The following TMPRSS11A variants were observed in gnomAD, a reference collection of about 807,000 sequenced individuals.
TMPRSS11A encodes the protein transmembrane protease serine 11A.
TMPRSS11A carries 53 observed loss-of-function variants against 58.9 expected under a neutral mutation model. The observed-to-expected ratio is 0.90, with a 90% CI of 0.72 to 1.13. The LOEUF (loss-of-function observed/expected upper bound fraction) is 1.13. TMPRSS11A is among the 50% of genes most tolerant of loss of function. The pLI, the probability that TMPRSS11A is intolerant of heterozygous loss-of-function variation, is 0.00. For synonymous variants in TMPRSS11A, 167 were observed against 169.8 expected (o/e 0.98, Z 0.13); for missense variants, 493 against 499.3 (o/e 0.99, Z 0.12).
intron 7 of TMPRSS11A, among the ~76,000 whole-genome samples, chr4:67,922,415 G>A (rs540936662): frequency 4.6e-5 from 7 of 152,324 alleles, no homozygotes; most frequent in African/African-American, 1.7e-4. Context: ...ACAGACACTA[G>A]TTTTAAGTGG....
intron 1 of TMPRSS11A, among the ~76,000 whole-genome samples, chr4:67,960,501 C>T (rs1490592643): frequency 6.6e-6 from 1 of 152,044 alleles, no homozygotes; most frequent in East Asian, 1.9e-4. Flanking sequence ...CATAGGATTG[C>T]TGAGATAATT....
intron 5 of TMPRSS11A, among the ~76,000 whole-genome samples, chr4:67,928,562 T>C (rs2109746535): frequency 6.6e-6 from 1 of 152,350 alleles, no homozygotes; most frequent in East Asian, 1.9e-4. Context: ...GAAAGCATCA[T>C]GTAAATTATC....
At chr4:67,928,632 G>A (rs1470263012) in intron 5 of TMPRSS11A, among the ~76,000 whole-genome samples, 1 of 152,206 alleles carries the variant, frequency 6.6e-6, no homozygotes, top group African/African-American at 2.4e-5. Flanking sequence ...AAAGAAGATG[G>A]ATTAAGCACT....
chr4:67,926,586 C>G (rs537154914), intron 5 of TMPRSS11A, among the ~76,000 whole-genome samples: 1 of 152,214 alleles, frequency 6.6e-6, no homozygotes, highest in African/African-American at 2.4e-5. Context: ...CAGGCAGGAC[C>G]TGCTCCCAGG....
chr4:67,960,036 T>C (rs898954551), intron 1 of TMPRSS11A, among the ~76,000 whole-genome samples: 26 of 152,174 alleles, frequency 1.7e-4, no homozygotes, highest in African/African-American at 6.3e-4. Context: ...CTGGAGGCCA[T>C]AATCCTAAGC....
At chr4:67,947,474 G>C (rs1262833844) in intron 1 of TMPRSS11A, among the ~76,000 whole-genome samples, 1 of 152,146 alleles carries the variant, frequency 6.6e-6, no homozygotes, top group African/African-American at 2.4e-5. Context: ...GGACTTGTCT[G>C]AATGCTTTCC....
At chr4:67,934,931 T>C (rs887321189) in intron 3 of TMPRSS11A, among the ~76,000 whole-genome samples, 1 of 152,064 alleles carries the variant, frequency 6.6e-6, no homozygotes. Context: ...GACTGGCATA[T>C]GGAATATAAA....
Position 67,910,659 on chromosome 4 carries a change from G to A in TMPRSS11A, c.*683C>T, listed in dbSNP as rs2109728337. ...TATCTATATATAATTCATTAATCGG[G>A]ATTTTTCTGATTATATCTGTAGGAT... On this transcript the variant is annotated 3_prime_UTR_variant, in exon 10 of 10. Coordinates refer to ENST00000508048, the MANE Select transcript of TMPRSS11A (RefSeq NM_001114387.2). 1 of 151,880 alleles carries A rather than the reference G, an allele frequency of 6.6e-6. No individual in the cohort carries two copies. The highest frequency in any genetic ancestry group is 2.1e-4 in the South Asian group (1 of 4,816). The allele number at this position is 151,880 out of a possible 1,614,324, so 9.4% of individuals were successfully genotyped here. A position where few individuals can be genotyped will look rare whatever the true frequency, so the allele number is the denominator to read the frequency against.
At chr4:67,912,093 A>G (rs781399673) in intron 9 of TMPRSS11A, among the ~76,000 whole-genome samples, 5 of 152,118 alleles carry the variant, frequency 3.3e-5, no homozygotes, top group African/African-American at 7.2e-5. Flanking sequence ...GATTACAGAA[A>G]TCTTTTTTTG....
At chr4:67,953,475 C>T (rs573732876) in intron 1 of TMPRSS11A, among the ~76,000 whole-genome samples, 1 of 152,238 alleles carries the variant, frequency 6.6e-6, no homozygotes, top group East Asian at 1.9e-4. Context: ...TACTTTTTTA[C>T]TCCCATCTCT....
At chr4:67,917,895 T>C (rs1212160049) in intron 8 of TMPRSS11A, among the ~76,000 whole-genome samples, 1 of 152,212 alleles carries the variant, frequency 6.6e-6, no homozygotes, top group Non-Finnish European at 1.5e-5. Context: ...CTAGATCTAC[T>C]AGAATTAATA....
chr4:67,922,537 G>A (rs1333002131), intron 7 of TMPRSS11A, among the ~76,000 whole-genome samples: 1 of 152,134 alleles, frequency 6.6e-6, no homozygotes, highest in Non-Finnish European at 1.5e-5. Flanking sequence ...TAAAAACTTT[G>A]AGGAAATGAT....
chr4:67,919,860 G>A (rs1720273472), intron 7 of TMPRSS11A, among the ~76,000 whole-genome samples: 1 of 152,154 alleles, frequency 6.6e-6, no homozygotes, highest in African/African-American at 2.4e-5. Flanking sequence ...AAGAATGGTT[G>A]GGGGTGAGCT....
intron 1 of TMPRSS11A, among the ~76,000 whole-genome samples, chr4:67,958,486 G>A (rs1326086171): frequency 6.6e-6 from 1 of 152,184 alleles, no homozygotes; most frequent in Non-Finnish European, 1.5e-5. Context: ...GACTTGTATG[G>A]GGCCTTTGGC....
chr4:67,917,245 C>G (rs533590883), intron 8 of TMPRSS11A, among the ~76,000 whole-genome samples: 3 of 151,850 alleles, frequency 2.0e-5, no homozygotes, highest in East Asian at 1.9e-4. Flanking sequence ...TTATAATATG[C>G]ATTTTCTATA....
chr4:67,929,872 C>G lies in TMPRSS11A; in HGVS notation c.481+8G>C. 1.2e-6 allele frequency: 2 copies of G among 1,602,456 alleles called. No individual in the cohort carries two copies. The highest frequency in any genetic ancestry group is 1.7e-6 in the Non-Finnish European group (2 of 1,172,550). ...AACTTCATATCACATAGAAGGGGAC[C>G]TCCTTACCATTAACTTGAACTGATG... On this transcript the variant is annotated splice_region_variant and intron_variant, in intron 5 of 9. Transcript: ENST00000508048.
intron 5 of TMPRSS11A, among the ~76,000 whole-genome samples, chr4:67,924,832 G>C (rs1345748723): frequency 6.6e-6 from 1 of 152,122 alleles, no homozygotes; most frequent in East Asian, 1.9e-4. Context: ...GGAATTATGG[G>C]GGCTACAATT....
chr4:67,962,587 A>C (rs1721460022), intron 1 of TMPRSS11A, among the ~76,000 whole-genome samples: 1 of 152,198 alleles, frequency 6.6e-6, no homozygotes, highest in Non-Finnish European at 1.5e-5. Context: ...CTTAGCCACA[A>C]GGCTGTCTTG....
chr4:67,943,993 G>A (rs1240775057), intron 3 of TMPRSS11A, among the ~76,000 whole-genome samples: 2 of 151,890 alleles, frequency 1.3e-5, no homozygotes, highest in African/African-American at 4.8e-5. Context: ...TTTCTTTTTG[G>A]GAGCAGTCTT....
Sources: allele counts gnomAD v4.1 joint callset (sites outside exome capture counted in the v4.1 genomes callset), GRCh38; gene constraint gnomAD v4.1.1; transcripts MANE v1.5; gene names NCBI Gene and HGNC (gene_info 2026-07-23, HGNC 2026-07-21).